The following RIGI variants were observed in gnomAD, a reference collection of about 807,000 sequenced individuals.
RIGI encodes antiviral innate immune response receptor RIG-I.
At chr9:32,462,756 C>T in the RIGI span, among the ~76,000 whole-genome samples, 1 of 152,266 alleles carries the variant, frequency 6.6e-6, no homozygotes, top group African/African-American at 2.4e-5. Flanking sequence ...ACTATGTTGC[C>T]CTGGCTGGAC....
chr9:32,491,205 T>C, the RIGI span: 3 of 1,423,580 alleles, frequency 2.1e-6, no homozygotes, highest in Non-Finnish European at 2.8e-6. Context: ...TTACAAAACT[T>C]TTCACAAGGC....
the RIGI span, among the ~76,000 whole-genome samples, chr9:32,474,272 T>C: frequency 6.7e-6 from 1 of 148,694 alleles, no homozygotes; most frequent in African/African-American, 2.5e-5. Flanking sequence ...AATACCTAGG[T>C]ATAAGTCTAA....
the RIGI span, among the ~76,000 whole-genome samples, chr9:32,506,710 G>A: frequency 0.6 from 91,122 of 151,850 alleles, 27,560 homozygotes; most frequent in Middle Eastern, 0.68. Flanking sequence ...TTTATTTTAC[G>A]TATCTATTGC....
chr9:32,467,563 T>G, the RIGI span, among the ~76,000 whole-genome samples: 2 of 152,208 alleles, frequency 1.3e-5, no homozygotes, highest in Admixed American at 1.3e-4. Context: ...GTGAGCAGCA[T>G]CATTGTAAGA....
At chr9:32,491,184 C>T in the RIGI span, 1 of 1,175,830 alleles carries the variant, frequency 8.5e-7, no homozygotes, top group South Asian at 1.4e-5. Flanking sequence ...TCTTTACTTT[C>T]TTAATTTTCC....
chr9:32,478,908 A>G, the RIGI span, among the ~76,000 whole-genome samples: 4 of 152,198 alleles, frequency 2.6e-5, no homozygotes, highest in African/African-American at 9.6e-5. Flanking sequence ...AAAAATAATA[A>G]TACAGATTAA....
the RIGI span, among the ~76,000 whole-genome samples, chr9:32,521,161 A>AAAAAAAAAC: frequency 2.0e-5 from 3 of 150,630 alleles, no homozygotes; most frequent in African/African-American, 7.3e-5. Flanking sequence ...AAAAAAAAAA[A>AAAAAAAAAC]ACTTCACAGA....
At chr9:32,503,099 G>C in the RIGI span, among the ~76,000 whole-genome samples, 3 of 152,126 alleles carry the variant, frequency 2.0e-5, no homozygotes, top group African/African-American at 7.2e-5. Context: ...ATTCCATTGA[G>C]TCAGTTCATT....
At chr9:32,492,994 C>T in the RIGI span, among the ~76,000 whole-genome samples, 7 of 152,212 alleles carry the variant, frequency 4.6e-5, no homozygotes, top group South Asian at 1.2e-3. Context: ...TACATGAGTA[C>T]TTTACATATA....
chr9:32,473,952 G>A, the RIGI span, among the ~76,000 whole-genome samples: 4 of 152,110 alleles, frequency 2.6e-5, no homozygotes, highest in Admixed American at 6.5e-5. Context: ...CGCTTGAACC[G>A]GGGAGGCATA....
chr9:32,461,679 T>C, the RIGI span, among the ~76,000 whole-genome samples: 1 of 152,130 alleles, frequency 6.6e-6, no homozygotes, highest in African/African-American at 2.4e-5. Flanking sequence ...GTTAGGCTAG[T>C]CTTATGCTAA....
At chr9:32,475,431 A>G in the RIGI span, among the ~76,000 whole-genome samples, 1 of 152,218 alleles carries the variant, frequency 6.6e-6, no homozygotes, top group Admixed American at 6.5e-5. Flanking sequence ...AGTGATCAAG[A>G]CAGCATGGAA....
chr9:32,493,135 G>C, the RIGI span, among the ~76,000 whole-genome samples: 1 of 152,206 alleles, frequency 6.6e-6, no homozygotes, highest in Non-Finnish European at 1.5e-5. Context: ...TAGTGGTTGA[G>C]CTATGATTCT....
the RIGI span, among the ~76,000 whole-genome samples, chr9:32,464,572 G>A: frequency 6.6e-6 from 1 of 152,062 alleles, no homozygotes; most frequent in Non-Finnish European, 1.5e-5. Context: ...TGTATTTTTA[G>A]TAGAGACGGG....
chr9:32,525,937 G>T, the RIGI span: 1 of 794,410 alleles, frequency 1.3e-6, no homozygotes, highest in Non-Finnish European at 2.1e-6. Context: ...ATGCTGCGGA[G>T]ATCTTACCAC....
the RIGI span, among the ~76,000 whole-genome samples, chr9:32,520,533 A>G: frequency 8.5e-5 from 13 of 152,336 alleles, no homozygotes; most frequent in East Asian, 1.2e-3. Flanking sequence ...GAAGGTGACA[A>G]TCAAAATGAA....
At chr9:32,516,026 C>G in the RIGI span, among the ~76,000 whole-genome samples, 1 of 152,152 alleles carries the variant, frequency 6.6e-6, no homozygotes, top group Non-Finnish European at 1.5e-5. Flanking sequence ...GACATTTATT[C>G]CAGAAAAACA....
chr9:32,473,793 C>T, the RIGI span, among the ~76,000 whole-genome samples: 9 of 151,910 alleles, frequency 5.9e-5, no homozygotes, highest in African/African-American at 1.7e-4. Context: ...TTTGGGAGGC[C>T]GAGGCAGGAG....
the RIGI span, chr9:32,500,928 A>G: frequency 6.2e-7 from 1 of 1,613,826 alleles, no homozygotes; most frequent in African/African-American, 1.3e-5. Flanking sequence ...GCCTGAATAT[A>G]CTGCACCTCT....
Sources: gnomAD v4.1 joint callset for allele counts (sites outside exome capture counted in the v4.1 genomes callset) on GRCh38, gnomAD v4.1.1 for gene constraint, MANE v1.5 for transcripts, NCBI Gene and HGNC (gene_info 2026-07-23, HGNC 2026-07-21) for gene names.